The following ITPR1 variants were observed in gnomAD, a reference collection of about 807,000 sequenced individuals.
The protein encoded by ITPR1 is inositol 1,4,5-trisphosphate-gated calcium channel ITPR1.
In ITPR1, 96 loss-of-function variants were observed where a neutral mutation model predicts 318.4. That is an observed-to-expected ratio of 0.30 (90% CI 0.26 to 0.36). The LOEUF is 0.36. Ranked by LOEUF, ITPR1 falls within the 10% of genes least tolerant of loss-of-function variation. ITPR1 has a pLI of 1.00. For synonymous variants in ITPR1, 1,312 were observed against 1,289.9 expected, an observed-to-expected ratio of 1.02 and a Z score of -0.37; for missense variants, 2,440 against 3,460.2, an observed-to-expected ratio of 0.71 and a Z score of 7.40.
chr3:4,653,334 A>G (rs536656474), intron 11 of ITPR1, among the ~76,000 whole-genome samples: 19 of 152,174 alleles, frequency 1.2e-4, no homozygotes, highest in Non-Finnish European at 2.6e-4. Context: ...TGATTTTGAT[A>G]TATTTAAGAA....
At chr3:4,822,237 A>G (rs933180866) in intron 60 of ITPR1, among the ~76,000 whole-genome samples, 1 of 152,206 alleles carries the variant, frequency 6.6e-6, no homozygotes, top group Admixed American at 6.5e-5. Flanking sequence ...CGAAAGAGCA[A>G]CAGGCCCAGA....
At chr3:4,642,819 A>G (rs939757776) in intron 7 of ITPR1, among the ~76,000 whole-genome samples, 2 of 152,278 alleles carry the variant, frequency 1.3e-5, no homozygotes, top group South Asian at 2.1e-4. Context: ...AGCAGTCCTG[A>G]TATTTGTTGG....
intron 42 of ITPR1, among the ~76,000 whole-genome samples, chr3:4,727,639 A>T (rs1033817562): frequency 6.6e-6 from 1 of 152,182 alleles, no homozygotes; most frequent in Non-Finnish European, 1.5e-5. Context: ...TAGTGGTGCA[A>T]TCTCAGCTCA....
intron 42 of ITPR1, among the ~76,000 whole-genome samples, chr3:4,730,081 A>G (rs1418783432): frequency 6.6e-6 from 1 of 151,990 alleles, no homozygotes; most frequent in Non-Finnish European, 1.5e-5. Flanking sequence ...CTCAAACAGA[A>G]TTTTCCTTGA....
chr3:4,699,688 G>C, intron 34 of ITPR1, 125 bp from the exon 35 acceptor site: 1 of 804,360 alleles, frequency 1.2e-6, no homozygotes. Flanking sequence ...CTTAAGGGGA[G>C]AAATATTGGC....
chr3:4,830,008 C>T (rs754476466), intron 60 of ITPR1, among the ~76,000 whole-genome samples: 1 of 113,766 alleles, frequency 8.8e-6, no homozygotes, highest in Non-Finnish European at 1.6e-5. Flanking sequence ...GAGTCCTGCT[C>T]TGTTGCCCAG....
At chr3:4,655,054 C>T (rs966747716) in intron 12 of ITPR1, among the ~76,000 whole-genome samples, 2 of 152,172 alleles carry the variant, frequency 1.3e-5, no homozygotes, top group African/African-American at 4.8e-5. Context: ...CCCAGTTTAA[C>T]CCTCTGTCAG....
intron 10 of ITPR1, among the ~76,000 whole-genome samples, chr3:4,647,958 C>T (rs1166092884): frequency 1.3e-5 from 2 of 152,088 alleles, no homozygotes; most frequent in Non-Finnish European, 2.9e-5. Context: ...TTGAAACCAG[C>T]CTGACCAACA....
At chr3:4,611,903 A>G (rs1166902617) in intron 4 of ITPR1, among the ~76,000 whole-genome samples, 2 of 152,156 alleles carry the variant, frequency 1.3e-5, no homozygotes, top group African/African-American at 2.4e-5. Context: ...TAAAAGTACA[A>G]TGACTCTCCA....
intron 4 of ITPR1, among the ~76,000 whole-genome samples, chr3:4,568,875 G>A (rs970076316): frequency 6.6e-6 from 1 of 152,178 alleles, no homozygotes; most frequent in Non-Finnish European, 1.5e-5. Flanking sequence ...TCACAGTTCT[G>A]CAGTCTGTAT....
chr3:4,688,883 C>T (rs2094438327), intron 31 of ITPR1, among the ~76,000 whole-genome samples: 1 of 152,186 alleles, frequency 6.6e-6, no homozygotes, highest in South Asian at 2.1e-4. Context: ...TAGTCAAGTC[C>T]TTCATTGTAT....
chr3:4,768,397 C>A, intron 45 of ITPR1, 114 bp from the exon 46 acceptor site: 2 of 1,274,958 alleles, frequency 1.6e-6, no homozygotes, highest in East Asian at 2.6e-5. Context: ...GTTTTGCCAA[C>A]TTTGAACGTC....
chr3:4,733,046 A>G, intron 42 of ITPR1, 42 bp from the exon 43 acceptor site: 2 of 1,594,108 alleles, frequency 1.3e-6, no homozygotes, highest in East Asian at 2.3e-5. Context: ...TCGGTGATGC[A>G]TTAAATGCAG....
intron 4 of ITPR1, among the ~76,000 whole-genome samples, chr3:4,590,515 G>T (rs1034006036): frequency 6.7e-6 from 1 of 149,516 alleles, no homozygotes; most frequent in African/African-American, 2.4e-5. Flanking sequence ...CATGTATTTT[G>T]TTCTTCTTAA....
rs1382388552 is a variant in ITPR1 at position 4,836,755 on chromosome 3, T to C, written c.8029-19T>C. The C allele has an allele frequency of 3.1e-6, 4 of 1,281,614 alleles. No homozygotes were observed. The highest frequency in any genetic ancestry group is 4.0e-6 in the Non-Finnish European group (4 of 1,001,088). The allele number at this position is 1,281,614 out of a possible 1,614,324, so 79.4% of individuals were successfully genotyped here. A position where few individuals can be genotyped will look rare whatever the true frequency, so the allele number is the denominator to read the frequency against. On this transcript the variant is annotated intron_variant, in intron 60 of 61. Coordinates refer to ENST00000649015, the MANE Select transcript of ITPR1 (RefSeq NM_001378452.1). ...TCAGTCTTTTTTTTTTTTTTTTTTT[T>C]TTTTAATGTGGATTCTAGGAAAGAA...
At chr3:4,592,070 G>A (rs1275413083) in intron 4 of ITPR1, among the ~76,000 whole-genome samples, 2 of 152,146 alleles carry the variant, frequency 1.3e-5, no homozygotes, top group African/African-American at 4.8e-5. Flanking sequence ...GGGTTCCGAG[G>A]AATTCTTCAG....
At chr3:4,566,630 A>ACACACG (rs1375830420) in intron 4 of ITPR1, among the ~76,000 whole-genome samples, 1 of 142,690 alleles carries the variant, frequency 7.0e-6, no homozygotes, top group Non-Finnish European at 1.6e-5. Flanking sequence ...ACACACACAC[A>ACACACG]CACACACACA....
intron 35 of ITPR1, among the ~76,000 whole-genome samples, chr3:4,701,985 T>G (rs2094663146): frequency 6.6e-6 from 1 of 152,224 alleles, no homozygotes; most frequent in Non-Finnish European, 1.5e-5. Flanking sequence ...TTCCGCTGTT[T>G]TTAGAGGGGC....
At position 4,653,845 on chromosome 3, in the gene ITPR1, G is replaced by A; in HGVS notation, c.955G>A (p.Asp319Asn). ...CCTAATGATTCTTTTTCATCAGGTA[G>A]ACCCTGACTTTGAGGAAGAATGCCT... ...ATGHYLAAEVDPDFEEECLEF... is the reference protein window; with the variant it reads ...ATGHYLAAEVNPDFEEECLEF... The change falls in exon 12 of 62, where the codon GAC becomes AAC. Residue 319 changes from aspartate (D) to asparagine (N), a missense_variant. Asp to Asn is a conservative substitution (Grantham distance 23). Transcript: ENST00000649015. 1 of 1,608,596 alleles carries A rather than the reference G, an allele frequency of 6.2e-7. No individual in the cohort carries two copies. The highest frequency in any genetic ancestry group is 8.5e-7 in the Non-Finnish European group (1 of 1,176,180).
Sources: gnomAD v4.1 joint callset for allele counts (sites outside exome capture counted in the v4.1 genomes callset) on GRCh38, gnomAD v4.1.1 for gene constraint, MANE v1.5 for transcripts, NCBI Gene and HGNC (gene_info 2026-07-23, HGNC 2026-07-21) for gene names.